Variants in ASXL2 observed in about 807,000 individuals in gnomAD.
The protein encoded by ASXL2 is ASXL transcriptional regulator 2.
A neutral mutation model predicts 122.0 loss-of-function variants in ASXL2; 23 were observed. The observed-to-expected ratio is 0.19, with a 90% CI of 0.14 to 0.27. The LOEUF is 0.27. Among genes scored for constraint, ASXL2 ranks in the 10% least tolerant of loss-of-function variants. The pLI, the probability that ASXL2 is intolerant of heterozygous loss-of-function variation, is 1.00. For missense variants in ASXL2, 1,518 were observed against 1,713.8 expected (o/e 0.89, Z 2.02); for synonymous variants, 650 against 637.0 (o/e 1.02, Z -0.31).
intron 4 of ASXL2, among the ~76,000 whole-genome samples, chr2:25,805,761 C>T (rs1484297358): frequency 3.3e-5 from 5 of 152,076 alleles, no homozygotes; most frequent in African/African-American, 1.2e-4. Context: ...CTGCAACCTC[C>T]GCCTCCCGGG....
intron 2 of ASXL2, among the ~76,000 whole-genome samples, chr2:25,839,935 T>A (rs1353495384): frequency 6.6e-6 from 1 of 151,716 alleles, no homozygotes. Context: ...CTCGCTATCT[T>A]GTTCACGCTG....
intron 5 of ASXL2, among the ~76,000 whole-genome samples, chr2:25,794,596 T>C (rs769057475): frequency 6.6e-6 from 1 of 152,202 alleles, no homozygotes; most frequent in Non-Finnish European, 1.5e-5. Flanking sequence ...AGTTTTAATA[T>C]TGGACTGAAT....
At chr2:25,769,334 T>C (rs1407590012) in intron 6 of ASXL2, among the ~76,000 whole-genome samples, 14 of 152,164 alleles carry the variant, frequency 9.2e-5, no homozygotes, top group Admixed American at 9.2e-4. Flanking sequence ...AAATATTCAG[T>C]TTACGCAGGC....
In ASXL2 at chr2:25,744,184, T is replaced by C; in HGVS notation, c.2153A>G (p.Asp718Gly). The C allele has an allele frequency of 6.2e-7, 1 of 1,614,018 alleles. No individual in the cohort carries two copies. The highest frequency in any genetic ancestry group is 8.5e-7 in the Non-Finnish European group (1 of 1,179,872). ...GCCCTTTCCAGTTTCACTGACTCTG[T>C]CTGAGCCTGGACTGCCTCCTCTAGC... is the stretch of plus-strand genomic sequence containing the variant. ...QTARGGSPGS[D>G]RVSETGKGPT... The change falls in exon 13 of 13, where the codon GAC becomes GGC. Residue 718 changes from aspartate (D) to glycine (G), a missense_variant. Coordinates refer to ENST00000435504, the MANE Select transcript of ASXL2 (RefSeq NM_018263.6). The surrounding 1 kb of genome is among the most constrained non-coding windows in gnomAD (Gnocchi z 4.7).
intron 1 of ASXL2, among the ~76,000 whole-genome samples, chr2:25,869,835 A>G (rs2089948136): frequency 6.6e-6 from 1 of 151,972 alleles, no homozygotes; most frequent in Non-Finnish European, 1.5e-5. Flanking sequence ...AGTGAAAAAA[A>G]TTATAAATTA....
At position 25,739,543 on chromosome 2, in the gene ASXL2, T is replaced by C. The variant is rs2087793155; in HGVS notation, c.*2486A>G. 1 of 191,944 alleles carries C rather than the reference T, an allele frequency of 5.2e-6. No homozygotes were observed. Among genetic ancestry groups the C allele is most frequent in the Non-Finnish European group, 1.1e-5 (1 of 91,784 alleles). The allele number at this position is 191,944 out of a possible 1,614,324, so 11.9% of individuals were successfully genotyped here. A position where few individuals can be genotyped will look rare whatever the true frequency, so the allele number is the denominator to read the frequency against. On this transcript the variant is annotated 3_prime_UTR_variant, in exon 13 of 13. Transcript: ENST00000435504. ...TTGAGGCAGTGTATCTAGTTGGCAA[T>C]ATCTGTTTTAGGAGTATTCCTAAAT... is the stretch of plus-strand genomic sequence containing the variant.
chr2:25,739,502 T>C lies in ASXL2; in HGVS notation c.*2527A>G, dbSNP rs539104838. On this transcript the variant is annotated 3_prime_UTR_variant, in exon 13 of 13. Coordinates refer to ENST00000435504, the MANE Select transcript of ASXL2 (RefSeq NM_018263.6). ...CCCAACTGAGAGAACTTAACTGTTC[T>C]CTTGTCTGGTCAAGATTGAGGCAGT... The C allele has an allele frequency of 5.8e-4, 109 of 188,532 alleles. No individual in the cohort carries two copies. Among genetic ancestry groups the C allele is most frequent in the African/African-American group, 2.4e-3 (104 of 42,984 alleles). The allele number at this position is 188,532 out of a possible 1,614,324, so 11.7% of individuals were successfully genotyped here. A position where few individuals can be genotyped will look rare whatever the true frequency, so the allele number is the denominator to read the frequency against.
At chr2:25,771,127 T>C (rs2088444699) in intron 6 of ASXL2, among the ~76,000 whole-genome samples, 1 of 152,052 alleles carries the variant, frequency 6.6e-6, no homozygotes, top group Non-Finnish European at 1.5e-5. Context: ...TCCCAGCTAC[T>C]TGGGAGGCTG....
intron 12 of ASXL2, among the ~76,000 whole-genome samples, chr2:25,749,048 T>C (rs2087990033): frequency 6.8e-6 from 1 of 147,606 alleles, no homozygotes; most frequent in Non-Finnish European, 1.5e-5. Flanking sequence ...TCAAGTCAGT[T>C]ATGGTAGCAA....
intron 8 of ASXL2, among the ~76,000 whole-genome samples, 189 bp downstream of exon 8, chr2:25,767,394 C>CA (rs1390342967): frequency 6.6e-6 from 1 of 152,168 alleles, no homozygotes; most frequent in Non-Finnish European, 1.5e-5. Context: ...CATACTAAAT[C>CA]AATTCCGTTC....
Position 25,741,658 on chromosome 2 carries a change from T to C in ASXL2, c.*371A>G. 3.9e-6 allele frequency: 1 copy of C among 257,278 alleles called. No individual in the cohort carries two copies. The highest frequency in any genetic ancestry group is 5.6e-5 in the East Asian group (1 of 17,908). 15.9% of individuals were successfully genotyped at this position (257,278 alleles called of 1,614,324 possible). ...AAATGTCAGAAGGGAGACAGCTTCC[T>C]TTTACCATGCCGGCATTAAACTTTT... is the stretch of plus-strand genomic sequence containing the variant. On this transcript the variant is annotated 3_prime_UTR_variant, in exon 13 of 13. Transcript: ENST00000435504.
At chr2:25,877,489 C>A (rs1341951779) in intron 1 of ASXL2, among the ~76,000 whole-genome samples, 1 of 152,048 alleles carries the variant, frequency 6.6e-6, no homozygotes. Flanking sequence ...ACGTGAAGGC[C>A]GGGTAAACTA....
At chr2:25,864,537 G>C (rs2089877216) in intron 1 of ASXL2, among the ~76,000 whole-genome samples, 1 of 152,014 alleles carries the variant, frequency 6.6e-6, no homozygotes. Flanking sequence ...TGTGATAAAA[G>C]AAAGGAAAAT....
intron 1 of ASXL2, among the ~76,000 whole-genome samples, chr2:25,862,848 C>T (rs1489128463): frequency 2.0e-5 from 3 of 151,852 alleles, no homozygotes; most frequent in Admixed American, 6.6e-5. Flanking sequence ...TCAGGTGATC[C>T]ACCTGCCTCG....
At chr2:25,828,347 A>T (rs2089403509) in intron 3 of ASXL2, among the ~76,000 whole-genome samples, 1 of 151,876 alleles carries the variant, frequency 6.6e-6, no homozygotes, top group Non-Finnish European at 1.5e-5. Flanking sequence ...TCCACTAAAA[A>T]TACAAAAAAT....
At chr2:25,816,597 A>G (rs1357645196) in intron 3 of ASXL2, among the ~76,000 whole-genome samples, 1 of 152,224 alleles carries the variant, frequency 6.6e-6, no homozygotes, top group Non-Finnish European at 1.5e-5. Context: ...ACAATAACTA[A>G]GCCCCAGTTA....
chr2:25,795,190 G>A (rs2088894633), intron 5 of ASXL2, among the ~76,000 whole-genome samples: 1 of 152,026 alleles, frequency 6.6e-6, no homozygotes. Flanking sequence ...CTTTATTATA[G>A]ACTACCTGCA....
rs750562932 is a variant in ASXL2, at chr2:25,742,714, C to A, written c.3623G>T (p.Gly1208Val). 107 of 1,613,838 alleles carry A rather than the reference C, an allele frequency of 6.6e-5. No individual in the cohort carries two copies. Among genetic ancestry groups the A allele is most frequent in the Non-Finnish European group, 9.0e-5 (106 of 1,179,892 alleles). The change falls in exon 13 of 13, where the codon GGT becomes GTT. Residue 1208 changes from glycine to valine, a missense_variant. By Grantham distance (109) the Gly-to-Val change is moderately radical (BLOSUM62 -3). Transcript: ENST00000435504. ...GCTGTGAGGTCCTGAACTTGTGTCACCCTTGCCAGCACTCTGGGAAACCTG... is the reference window on the plus strand; with the variant it reads ...GCTGTGAGGTCCTGAACTTGTGTCAACCTTGCCAGCACTCTGGGAAACCTG... ...EPQVSQSAGK[G>V]DTSSGPHSRE...
intron 5 of ASXL2, among the ~76,000 whole-genome samples, chr2:25,794,836 G>T (rs1431083127): frequency 2.6e-5 from 4 of 152,078 alleles, no homozygotes; most frequent in African/African-American, 7.2e-5. Context: ...AAAAGTAATA[G>T]GCACAATTAG....
Sources: gnomAD v4.1 joint callset for allele counts (sites outside exome capture counted in the v4.1 genomes callset) on GRCh38, gnomAD v4.1.1 for gene constraint, Gnocchi (gnomAD v3.1) non-coding constraint, MANE v1.5 for transcripts, NCBI Gene and HGNC (gene_info 2026-07-23, HGNC 2026-07-21) for gene names.